ANO6: variants seen among roughly 807,000 people sequenced by gnomAD.
The protein encoded by ANO6 is anoctamin-6.
Under a neutral mutation model 117.5 loss-of-function variants are expected in ANO6, and 106 were observed. The observed-to-expected ratio is 0.90, with a 90% CI of 0.77 to 1.06. The LOEUF (loss-of-function observed/expected upper bound fraction) is 1.06. Ranked by LOEUF, ANO6 falls within the 50% of genes least tolerant of loss-of-function variation. ANO6 has a pLI of 0.00. For synonymous variants in ANO6, 367 were observed against 385.1 expected (o/e 0.95, Z 0.55); for missense variants, 955 against 1,121.1 (o/e 0.85, Z 2.12).
At chr12:45,350,305 G>A (rs979252047) in intron 6 of ANO6, among the ~76,000 whole-genome samples, 8 of 152,104 alleles carry the variant, frequency 5.3e-5, no homozygotes, top group African/African-American at 1.4e-4. Flanking sequence ...GGGTTATCAC[G>A]TGTTCCTCTG....
chr12:45,227,553 G>A (rs1447202340), intron 1 of ANO6, among the ~76,000 whole-genome samples: 1 of 151,920 alleles, frequency 6.6e-6, no homozygotes, highest in Admixed American at 6.6e-5. Context: ...CTGGACAAGG[G>A]GCCCTTTTCA....
intron 1 of ANO6, among the ~76,000 whole-genome samples, chr12:45,255,491 C>G (rs1249798018): frequency 6.6e-6 from 1 of 151,968 alleles, no homozygotes; most frequent in Non-Finnish European, 1.5e-5. Context: ...GGGACTCCAT[C>G]TCAAAAAAAT....
chr12:45,254,665 A>C (rs1442886612), intron 1 of ANO6, among the ~76,000 whole-genome samples: 2 of 152,250 alleles, frequency 1.3e-5, no homozygotes, highest in Admixed American at 1.3e-4. Flanking sequence ...CACACTTTGG[A>C]GTGAACATAA....
intron 1 of ANO6, among the ~76,000 whole-genome samples, chr12:45,257,489 T>C (rs190897921): frequency 6.6e-6 from 1 of 152,312 alleles, no homozygotes; most frequent in Non-Finnish European, 1.5e-5. Flanking sequence ...ACAAGTTGCA[T>C]CCCTTCTGTG....
intron 15 of ANO6, among the ~76,000 whole-genome samples, chr12:45,407,703 G>A (rs1016596686): frequency 2.0e-5 from 3 of 152,140 alleles, no homozygotes; most frequent in Non-Finnish European, 2.9e-5. Flanking sequence ...AGTGCAGCCT[G>A]TATTGCTCAA....
intron 19 of ANO6, among the ~76,000 whole-genome samples, chr12:45,427,350 T>C (rs547715506): frequency 3.7e-4 from 57 of 152,186 alleles, no homozygotes; most frequent in African/African-American, 1.3e-3. Context: ...TCACTTCTCT[T>C]CTCGTCACCT....
intron 10 of ANO6, among the ~76,000 whole-genome samples, chr12:45,384,434 C>T (rs1293204535): frequency 6.6e-6 from 1 of 152,200 alleles, no homozygotes; most frequent in Non-Finnish European, 1.5e-5. Context: ...TTTCGATATG[C>T]CTTCCTCACT....
rs757358710 is a variant in ANO6, at chr12:45,430,113, T to C, written c.*802T>C. 8.1e-6 allele frequency: 8 copies of C among 985,344 alleles called. No homozygotes were observed. The highest frequency in any genetic ancestry group is 1.7e-5 in the African/African-American group (1 of 57,258). 61.0% of individuals were successfully genotyped at this position (985,344 alleles called of 1,614,324 possible). A position where few individuals can be genotyped will look rare whatever the true frequency, so the allele number is the denominator to read the frequency against. ...CAGATTCAAACAGCATTTTAACTCA[T>C]GTTGATCTGGATAATTAATCTTTTC... On this transcript the variant is annotated 3_prime_UTR_variant, in exon 20 of 20. Coordinates refer to ENST00000320560, the MANE Select transcript of ANO6 (RefSeq NM_001025356.3).
At chr12:45,361,919 C>T (rs986224134) in intron 8 of ANO6, among the ~76,000 whole-genome samples, 2 of 151,958 alleles carry the variant, frequency 1.3e-5, no homozygotes, top group South Asian at 2.1e-4. Flanking sequence ...GAAGATTTTT[C>T]CATCTATATT....
At chr12:45,241,546 C>T (rs1947744365) in intron 1 of ANO6, among the ~76,000 whole-genome samples, 1 of 152,226 alleles carries the variant, frequency 6.6e-6, no homozygotes, top group Non-Finnish European at 1.5e-5. Flanking sequence ...CTGAAGCCTA[C>T]TTCTGTCAAC....
chr12:45,343,037 A>C (rs1941025558), intron 3 of ANO6, among the ~76,000 whole-genome samples: 1 of 152,030 alleles, frequency 6.6e-6, no homozygotes, highest in Admixed American at 6.5e-5. Context: ...TTTTCTCTGT[A>C]AGGAAGGAGG....
chr12:45,338,916 A>G (rs1277717103), intron 3 of ANO6, among the ~76,000 whole-genome samples: 1 of 152,106 alleles, frequency 6.6e-6, no homozygotes, highest in Non-Finnish European at 1.5e-5. Flanking sequence ...TCACAAAGAC[A>G]TGGAGAAGAG....
intron 1 of ANO6, among the ~76,000 whole-genome samples, chr12:45,287,521 T>A (rs1938956621): frequency 6.6e-6 from 1 of 152,234 alleles, no homozygotes; most frequent in South Asian, 2.1e-4. Flanking sequence ...AAGTGTGAGC[T>A]GTATTATCCA....
At chr12:45,249,308 GTTC>G (rs1592870159) in intron 1 of ANO6, among the ~76,000 whole-genome samples, 1 of 152,142 alleles carries the variant, frequency 6.6e-6, no homozygotes, top group African/African-American at 2.4e-5. Flanking sequence ...ATTGTATCAT[GTTC>G]ATGAAATGTT....
intron 1 of ANO6, among the ~76,000 whole-genome samples, chr12:45,246,052 A>G (rs1947820742): frequency 6.6e-6 from 1 of 152,194 alleles, no homozygotes; most frequent in African/African-American, 2.4e-5. Flanking sequence ...GATTCTGAAA[A>G]TATCAGGAGA....
rs184137899 is a variant in ANO6 at position 45,334,256 on chromosome 12, A to G, written c.279+2833A>G. ...TTGGCACAGAATGTTTGAATGTTTT[A>G]AATCACAAATAACAGGAAAACCAAA... On this transcript the variant is annotated intron_variant, in intron 3 of 19. Transcript: ENST00000320560. Among the ~76,000 whole-genome samples, 258 of 152,232 alleles carry G rather than the reference A, an allele frequency of 1.7e-3. 5 individuals are homozygous for G. The highest frequency in any genetic ancestry group is 0.016 in the Admixed American group (240 of 15,276).
intron 10 of ANO6, among the ~76,000 whole-genome samples, chr12:45,380,698 G>T (rs989997772): frequency 3.3e-5 from 5 of 152,240 alleles, no homozygotes; most frequent in African/African-American, 1.2e-4. Context: ...AAACGGCTGG[G>T]TGTGGTGGCT....
chr12:45,340,604 C>CAGTA (rs1940953681), intron 3 of ANO6, among the ~76,000 whole-genome samples: 1 of 152,008 alleles, frequency 6.6e-6, no homozygotes, highest in Non-Finnish European at 1.5e-5. Flanking sequence ...ATAAGGTTTC[C>CAGTA]AGTAAGGCAC....
chr12:45,239,078 C>G (rs1054700792), intron 1 of ANO6, among the ~76,000 whole-genome samples: 14 of 152,200 alleles, frequency 9.2e-5, no homozygotes, highest in African/African-American at 3.4e-4. Context: ...GGAGGATTCC[C>G]TCTTTTTCTA....
Sources: allele counts gnomAD v4.1 joint callset (sites outside exome capture counted in the v4.1 genomes callset), GRCh38; gene constraint gnomAD v4.1.1; transcripts MANE v1.5; gene names NCBI Gene and HGNC (gene_info 2026-07-23, HGNC 2026-07-21).